The following TUBA4B variants were observed in gnomAD, a reference collection of about 807,000 sequenced individuals.
The protein encoded by TUBA4B is tubulin-like protein alpha-4B.
Under a neutral mutation model 18.4 loss-of-function variants are expected in TUBA4B, and 13 were observed. The ratio of observed to expected loss-of-function variants is 0.71; its 90% confidence interval spans 0.46 to 1.12. TUBA4B has a LOEUF of 1.12. Ranked by LOEUF, TUBA4B falls within the 50% of genes most tolerant of loss-of-function variation. The pLI is 0.00. For missense variants in TUBA4B, 244 were observed against 250.0 expected, an observed-to-expected ratio of 0.98 and a Z score of 0.16; for synonymous variants, 101 against 99.1, an observed-to-expected ratio of 1.02 and a Z score of -0.11.
At chr2:219,253,912 G>A in intron 1 of TUBA4B, 3 of 1,370,266 alleles carry the variant, frequency 2.2e-6, no homozygotes, top group Non-Finnish European at 2.9e-6. Context: ...GTCTCAGTGA[G>A]AACTGCGCTA....
At chr2:219,255,152 G>C (rs979565781) in intron 1 of TUBA4B, among the ~76,000 whole-genome samples, 11 of 152,162 alleles carry the variant, frequency 7.2e-5, no homozygotes, top group Non-Finnish European at 1.2e-4. Flanking sequence ...CCGGCTCAAG[G>C]CCATCCTTCT....
chr2:219,267,564 G>C (rs1951797654), intron 2 of TUBA4B, among the ~76,000 whole-genome samples: 1 of 151,726 alleles, frequency 6.6e-6, no homozygotes, highest in East Asian at 1.9e-4. Flanking sequence ...GACTCCAGAG[G>C]CTGAGTTCTT....
At chr2:219,257,340 CTTT>C (rs768367065) in intron 1 of TUBA4B, among the ~76,000 whole-genome samples, 3 of 92,610 alleles carry the variant, frequency 3.2e-5, no homozygotes, top group Non-Finnish European at 4.2e-5. Context: ...TGCGCCCAGC[CTTT>C]TTTTTTTTTT....
intron 2 of TUBA4B, among the ~76,000 whole-genome samples, chr2:219,269,416 C>T (rs757542826): frequency 1.8e-4 from 27 of 152,282 alleles, no homozygotes; most frequent in Non-Finnish European, 2.8e-4. Context: ...CTGCTTCCCC[C>T]AATGATTTTG....
chr2:219,263,049 C>G (rs959958830), intron 1 of TUBA4B, among the ~76,000 whole-genome samples: 1 of 151,984 alleles, frequency 6.6e-6, no homozygotes. Flanking sequence ...TCCCCACCCC[C>G]CAAAAAAGCA....
At chr2:219,262,965 C>T (rs1297651278) in intron 1 of TUBA4B, among the ~76,000 whole-genome samples, 2 of 152,046 alleles carry the variant, frequency 1.3e-5, no homozygotes, top group Non-Finnish European at 2.9e-5. Flanking sequence ...TGCTTGAACC[C>T]GGGAGGCGGA....
Position 219,272,115 on chromosome 2 carries a change from G to A in TUBA4B, c.*416G>A. ...GGTGGGCATGGATAGTGTGGAGTGG[G>A]GGGAAGAAAAGATAGGGGGGATGAA... On this transcript the variant is annotated 3_prime_UTR_variant, in exon 4 of 4. Coordinates refer to ENST00000490341, the MANE Select transcript of TUBA4B (RefSeq NM_001355221.1). The A allele has an allele frequency of 3.8e-6, 3 of 799,444 alleles. No homozygotes were observed. The highest frequency in any genetic ancestry group is 3.3e-4 in the Middle Eastern group (1 of 3,066). 49.5% of individuals were successfully genotyped at this position (799,444 alleles called of 1,614,324 possible).
rs1235565896 is a variant in TUBA4B at position 219,271,772 on chromosome 2, T to C, written c.*73T>C. On this transcript the variant is annotated 3_prime_UTR_variant, in exon 4 of 4. Coordinates refer to ENST00000490341, the MANE Select transcript of TUBA4B (RefSeq NM_001355221.1). The stretch of plus-strand genomic sequence containing the variant: ...CATGGAGATGTGGTGCCCAAGGATG[T>C]CAACGCTGCCATTGCTGCCATCAAG... 6.2e-7 allele frequency: 1 copy of C among 1,610,488 alleles called. No individual in the cohort carries two copies. The highest frequency in any genetic ancestry group is 1.7e-5 in the Admixed American group (1 of 60,004).
In TUBA4B at chr2:219,260,247, A is replaced by T. The variant is rs190844419; in HGVS notation, c.13-6274A>T. On this transcript the variant is annotated intron_variant, in intron 1 of 3. Transcript: ENST00000490341. ...AAGGAGCAATTGTTGAAGCTTGGTG[A>T]TGAATATATGAGGTTTTATTATATT... Among the ~76,000 whole-genome samples the T allele has an allele frequency of 1.8e-4, 28 of 151,852 alleles. No homozygotes were observed. The East Asian group carries it at 5.4e-3, about 29-fold the overall frequency.
rs200615683 is a variant in TUBA4B, at chr2:219,253,861, T to A, written c.12+442T>A. On this transcript the variant is annotated intron_variant, in intron 1 of 3. Transcript: ENST00000490341. ...CCCGGCCGGGCCGCACTCACCATGG[T>A]GAGTCCGGGCGGTGCGTCTCACGTT... 3 of 1,479,192 alleles carry A rather than the reference T, an allele frequency of 2.0e-6. No homozygotes were observed. The East Asian group carries it at 7.7e-5, about 38-fold the overall frequency. The allele number at this position is 1,479,192 out of a possible 1,614,324, so 91.6% of individuals were successfully genotyped here. A position where few individuals can be genotyped will look rare whatever the true frequency, so the allele number is the denominator to read the frequency against.
At chr2:219,265,791 C>T (rs973834720) in intron 1 of TUBA4B, among the ~76,000 whole-genome samples, 1 of 152,172 alleles carries the variant, frequency 6.6e-6, no homozygotes, top group Admixed American at 6.5e-5. Context: ...TAGGAAGAGA[C>T]ATTTAGGAAG....
chr2:219,267,634 G>A (rs1027748654), intron 2 of TUBA4B, among the ~76,000 whole-genome samples: 14 of 150,000 alleles, frequency 9.3e-5, no homozygotes, highest in South Asian at 2.1e-4. Context: ...GCGCAATCTC[G>A]GCTCACTGCA....
intron 1 of TUBA4B, among the ~76,000 whole-genome samples, chr2:219,258,347 G>T (rs562904227): frequency 6.6e-6 from 1 of 151,826 alleles, no homozygotes; most frequent in African/African-American, 2.4e-5. Flanking sequence ...TTGACACAAG[G>T]TCTGGCTCTA....
At chr2:219,254,034 G>C (rs549573840) in intron 1 of TUBA4B, 2 of 570,458 alleles carry the variant, frequency 3.5e-6, no homozygotes, top group Non-Finnish European at 5.7e-6. Context: ...AGGGTAAGCG[G>C]CCCCCCCGAG....
chr2:219,271,252 G>A lies in TUBA4B; in HGVS notation c.279G>A (p.Met93Ile). 2 of 1,359,026 alleles carry A rather than the reference G, an allele frequency of 1.5e-6. No homozygotes were observed. The highest frequency in any genetic ancestry group is 2.3e-5 in the East Asian group (1 of 43,668). 84.2% of individuals were successfully genotyped at this position (1,359,026 alleles called of 1,614,324 possible). A position where few individuals can be genotyped will look rare whatever the true frequency, so the allele number is the denominator to read the frequency against. ...GCTCTGACGTCACCTCATTCCTGAT[G>A]GAGTGGCTTTCTGTTAACTATGGCA... is the stretch of plus-strand genomic sequence containing the variant. ...GTGSDVTSFL[M>I]EWLSVNYGKK... Residue 93 changes from methionine (M) to isoleucine (I), a missense_variant, in exon 4 of 4, where the codon ATG becomes ATA. Transcript: ENST00000490341.
intron 1 of TUBA4B, chr2:219,266,277 G>C (rs1951788905): frequency 2.0e-6 from 1 of 499,316 alleles, no homozygotes. Flanking sequence ...CATGTACCCA[G>C]AGGCCTGGAT....
intron 1 of TUBA4B, among the ~76,000 whole-genome samples, chr2:219,255,421 C>A (rs372244876): frequency 6.6e-6 from 1 of 152,018 alleles, no homozygotes; most frequent in South Asian, 2.1e-4. Flanking sequence ...TTAGTAGAGA[C>A]GGGGTTTCAC....
rs902174506 is a variant in TUBA4B, at chr2:219,253,357, G to A, written c.-51G>A. The A allele has an allele frequency of 1.3e-5, 20 of 1,515,780 alleles. No individual in the cohort carries two copies. Among genetic ancestry groups the A allele is most frequent in the Non-Finnish European group, 1.7e-5 (19 of 1,130,192 alleles). The allele number at this position is 1,515,780 out of a possible 1,614,324, so 93.9% of individuals were successfully genotyped here. A position where few individuals can be genotyped will look rare whatever the true frequency, so the allele number is the denominator to read the frequency against. On this transcript the variant is annotated 5_prime_UTR_variant, in exon 1 of 4. Transcript: ENST00000490341. ...TCAGACGCGGGGTGCTGAGTCACGG[G>A]GGGGGGGTGGTTCTGTGGATAGTTG...
intron 1 of TUBA4B, among the ~76,000 whole-genome samples, chr2:219,264,034 C>A (rs374845985): frequency 6.6e-6 from 1 of 152,214 alleles, no homozygotes; most frequent in East Asian, 1.9e-4. Context: ...CCCTTACTTA[C>A]AAAGATATGT....
Sources: allele counts gnomAD v4.1 joint callset (sites outside exome capture counted in the v4.1 genomes callset), GRCh38; gene constraint gnomAD v4.1.1; transcripts MANE v1.5; gene names NCBI Gene and HGNC (gene_info 2026-07-23, HGNC 2026-07-21).